The following PCDHA11 variants were observed in gnomAD, a reference collection of about 807,000 sequenced individuals.
PCDHA11 encodes the protein protocadherin alpha 11, also known as protocadherin alpha-11.
In PCDHA11, 61 loss-of-function variants were observed where a neutral mutation model predicts 70.3. The observed-to-expected ratio is 0.87, with a 90% confidence interval of 0.71 to 1.07. The LOEUF is 1.07. PCDHA11 is among the 50% of genes least tolerant of loss of function. The pLI, the probability that PCDHA11 is intolerant of heterozygous loss-of-function variation, is 0.00. For synonymous variants in PCDHA11, 633 were observed against 555.1 expected, an observed-to-expected ratio of 1.14 and a Z score of -1.97; for missense variants, 1,324 against 1,237.5, an observed-to-expected ratio of 1.07 and a Z score of -1.05.
intron 1 of PCDHA11, among the ~76,000 whole-genome samples, chr5:140,939,276 C>T (rs146183157): frequency 6.6e-6 from 1 of 152,174 alleles, no homozygotes; most frequent in Non-Finnish European, 1.5e-5. Flanking sequence ...GAGAGCTGTG[C>T]CCTCGTGATC....
At chr5:140,882,854 C>T in intron 1 of PCDHA11, 1 of 1,614,196 alleles carries the variant, frequency 6.2e-7, no homozygotes, top group African/African-American at 1.3e-5. Context: ...ATCACTTGTA[C>T]TGAGGAAAAC....
intron 1 of PCDHA11, among the ~76,000 whole-genome samples, chr5:140,975,438 A>T (rs1436743661): frequency 5.9e-5 from 9 of 152,234 alleles, no homozygotes; most frequent in African/African-American, 1.7e-4. Flanking sequence ...ACACCAGGAT[A>T]TAGGGATCTT....
chr5:140,973,894 G>A (rs1161980569), intron 1 of PCDHA11, among the ~76,000 whole-genome samples: 1 of 152,194 alleles, frequency 6.6e-6, no homozygotes, highest in African/African-American at 2.4e-5. Flanking sequence ...ATTTGCAAAT[G>A]TTTGAGGAAA....
chr5:140,932,351 A>C (rs1401387848), intron 1 of PCDHA11, among the ~76,000 whole-genome samples: 1 of 151,920 alleles, frequency 6.6e-6, no homozygotes, highest in Non-Finnish European at 1.5e-5. Flanking sequence ...TTACCATACA[A>C]CTGGCCTTAT....
At chr5:140,947,796 T>C (rs2094177808) in intron 1 of PCDHA11, among the ~76,000 whole-genome samples, 2 of 151,630 alleles carry the variant, frequency 1.3e-5, no homozygotes, top group Non-Finnish European at 3.0e-5. Context: ...AACAGACTTT[T>C]AATTTGCAGA....
At chr5:140,970,773 T>G (rs1385909769) in intron 1 of PCDHA11, among the ~76,000 whole-genome samples, 1 of 152,240 alleles carries the variant, frequency 6.6e-6, no homozygotes, top group Non-Finnish European at 1.5e-5. Context: ...TTGCTGTACA[T>G]ACATATTGTA....
chr5:140,885,509 T>C (rs1020233501), intron 1 of PCDHA11, among the ~76,000 whole-genome samples: 36 of 152,208 alleles, frequency 2.4e-4, no homozygotes, highest in Admixed American at 1.4e-3. Flanking sequence ...TGAACCATGC[T>C]GTGCTATCAT....
chr5:140,952,798 G>T (rs1554220633), intron 1 of PCDHA11, among the ~76,000 whole-genome samples: 1 of 152,138 alleles, frequency 6.6e-6, no homozygotes, highest in African/African-American at 2.4e-5. Flanking sequence ...TAACTGGCTC[G>T]CAGTTCTGCA....
intron 1 of PCDHA11, chr5:140,969,343 G>C: frequency 1.2e-6 from 2 of 1,613,728 alleles, no homozygotes; most frequent in Non-Finnish European, 1.7e-6. Flanking sequence ...TGAGACAGTG[G>C]TCAGGGGGTC....
intron 1 of PCDHA11, among the ~76,000 whole-genome samples, chr5:140,952,279 T>C (rs1222400527): frequency 6.7e-6 from 1 of 149,858 alleles, no homozygotes; most frequent in Non-Finnish European, 1.5e-5. Flanking sequence ...TTGAGGGTGG[T>C]GGCCCTCTTC....
In PCDHA11 at chr5:140,966,763, G is replaced by A. The variant is rs1020607410; in HGVS notation, c.2392-12186G>A. 2.7e-6 allele frequency: 4 copies of A among 1,470,486 alleles called. No homozygotes were observed. The South Asian group carries it at 5.5e-5, about 20-fold the overall frequency. 91.1% of individuals were successfully genotyped at this position (1,470,486 alleles called of 1,614,324 possible). A position where few individuals can be genotyped will look rare whatever the true frequency, so the allele number is the denominator to read the frequency against. Reference sequence around the variant, plus strand: ...CCCGGCTGCCTCCGCCGCGGCCAGTGGCTATGGAGCAGGCGGGCACCAGAC... The same window carrying A: ...CCCGGCTGCCTCCGCCGCGGCCAGTAGCTATGGAGCAGGCGGGCACCAGAC... On this transcript the variant is annotated intron_variant, in intron 1 of 3. Transcript: ENST00000398640.
chr5:140,909,072 C>A (rs2074300655), intron 1 of PCDHA11, among the ~76,000 whole-genome samples: 1 of 152,162 alleles, frequency 6.6e-6, no homozygotes, highest in African/African-American at 2.4e-5. Flanking sequence ...CCAATAAGCC[C>A]AGTGTGTTTG....
At chr5:141,001,705 G>A (rs2098033380) in intron 3 of PCDHA11, among the ~76,000 whole-genome samples, 1 of 152,194 alleles carries the variant, frequency 6.6e-6, no homozygotes, top group African/African-American at 2.4e-5. Context: ...GAAATAGGGG[G>A]CGGGGAAGGA....
chr5:140,948,029 T>A (rs1372869400), intron 1 of PCDHA11, among the ~76,000 whole-genome samples: 1 of 151,594 alleles, frequency 6.6e-6, no homozygotes, highest in African/African-American at 2.4e-5. Flanking sequence ...TCTGGTTTGC[T>A]CAGAGTTTTA....
chr5:140,975,120 C>T (rs2096654332), intron 1 of PCDHA11, among the ~76,000 whole-genome samples: 1 of 152,140 alleles, frequency 6.6e-6, no homozygotes, highest in African/African-American at 2.4e-5. Flanking sequence ...TGTTTTCCTA[C>T]TTACTATTGG....
chr5:140,968,768 C>T, intron 1 of PCDHA11: 1 of 1,614,174 alleles, frequency 6.2e-7, no homozygotes, highest in South Asian at 1.1e-5. Flanking sequence ...TAATGGAGAG[C>T]CATCACTATC....
chr5:140,945,654 AT>A (rs1230046600), intron 1 of PCDHA11, among the ~76,000 whole-genome samples: 5 of 152,294 alleles, frequency 3.3e-5, no homozygotes, highest in Admixed American at 3.3e-4. Flanking sequence ...ATGGAGCAGA[AT>A]ACAGCTCCCA....
intron 2 of PCDHA11, among the ~76,000 whole-genome samples, chr5:140,979,837 C>T (rs1554241124): frequency 6.6e-6 from 1 of 152,188 alleles, no homozygotes; most frequent in Non-Finnish European, 1.5e-5. Flanking sequence ...AAGAAATAAT[C>T]TTCAAACTTA....
At chr5:140,971,661 TAGAG>T (rs2096491377) in intron 1 of PCDHA11, among the ~76,000 whole-genome samples, 1 of 152,064 alleles carries the variant, frequency 6.6e-6, no homozygotes, top group Non-Finnish European at 1.5e-5. Context: ...AGATGGGAAT[TAGAG>T]AGGAAGAGTA....
Sources: allele counts gnomAD v4.1 joint callset (sites outside exome capture counted in the v4.1 genomes callset), GRCh38; gene constraint gnomAD v4.1.1; transcripts MANE v1.5; gene names NCBI Gene and HGNC (gene_info 2026-07-23, HGNC 2026-07-21).